GALNT1: variants seen among roughly 807,000 people sequenced by gnomAD.
GALNT1 encodes GalNAc transferase 1.
In GALNT1, 17 loss-of-function variants were observed where a neutral mutation model predicts 65.7. The observed-to-expected ratio is 0.26, with a 90% CI of 0.18 to 0.39. The LOEUF is 0.39. Among genes scored for constraint, GALNT1 ranks in the 10% least tolerant of loss-of-function variants. GALNT1 has a pLI of 1.00. For missense variants in GALNT1, 460 were observed against 672.8 expected (o/e 0.68, Z 3.50); for synonymous variants, 210 against 219.7 (o/e 0.96, Z 0.39).
Position 35,585,050 on chromosome 18 carries a change from A to G in GALNT1, c.-104+3188A>G, listed in dbSNP as rs2046364385. 3.3e-5 allele frequency among the ~76,000 whole-genome samples: 5 copies of G among 152,206 alleles called. No homozygotes were observed. The South Asian group carries it at 1.0e-3, about 32-fold the overall frequency. On this transcript the variant is annotated intron_variant, in intron 1 of 11. Coordinates refer to ENST00000269195, the MANE Select transcript of GALNT1 (RefSeq NM_020474.4). Reference sequence around the variant, plus strand: ...AAATACAATTTGTGATTATTGCTACACATTAGCAGTAAAGGATGCTGGAGA... The same window carrying G: ...AAATACAATTTGTGATTATTGCTACGCATTAGCAGTAAAGGATGCTGGAGA...
chr18:35,588,325 A>C (rs1039833413), intron 1 of GALNT1, among the ~76,000 whole-genome samples: 1 of 152,194 alleles, frequency 6.6e-6, no homozygotes, highest in African/African-American at 2.4e-5. Flanking sequence ...TTTCCTCTGT[A>C]GAAAGGAATC....
intron 9 of GALNT1, among the ~76,000 whole-genome samples, chr18:35,696,955 CTAA>C (rs1237984266): frequency 6.6e-6 from 1 of 152,194 alleles, no homozygotes; most frequent in Non-Finnish European, 1.5e-5. Flanking sequence ...CTGGAGGAGA[CTAA>C]TAGTAGAAAC....
intron 2 of GALNT1, among the ~76,000 whole-genome samples, chr18:35,656,263 T>C (rs2047383980): frequency 6.7e-6 from 1 of 150,310 alleles, no homozygotes; most frequent in Admixed American, 6.6e-5. Context: ...ATGTGTAGAT[T>C]CACTTGAATT....
At chr18:35,606,268 GACTA>G (rs538354960) in intron 1 of GALNT1, among the ~76,000 whole-genome samples, 143 of 152,272 alleles carry the variant, frequency 9.4e-4, no homozygotes, top group Admixed American at 1.6e-3. Context: ...CAAGTCACGT[GACTA>G]ACCTATATTT....
At chr18:35,679,982 G>A (rs2047764175) in intron 4 of GALNT1, among the ~76,000 whole-genome samples, 1 of 152,034 alleles carries the variant, frequency 6.6e-6, no homozygotes, top group Non-Finnish European at 1.5e-5. Context: ...TCACCATGGT[G>A]CCTCCAGAGT....
At chr18:35,688,361 G>C (rs1030058677) in intron 6 of GALNT1, among the ~76,000 whole-genome samples, 1 of 151,956 alleles carries the variant, frequency 6.6e-6, no homozygotes, top group South Asian at 2.1e-4. Flanking sequence ...TATAATCTTC[G>C]TGGTATCTTT....
chr18:35,594,660 A>G (rs2046484156), intron 1 of GALNT1, among the ~76,000 whole-genome samples: 1 of 152,204 alleles, frequency 6.6e-6, no homozygotes, highest in South Asian at 2.1e-4. Context: ...GTACCTTATT[A>G]CAAAGGTAAT....
chr18:35,620,781 C>CTTTT (rs75570628), intron 1 of GALNT1, among the ~76,000 whole-genome samples: 2 of 142,154 alleles, frequency 1.4e-5, no homozygotes, highest in East Asian at 2.0e-4. Flanking sequence ...TAGGTTGTTA[C>CTTTT]TTTTTTTTTT....
chr18:35,582,902 TATTAAA>T (rs765972741), intron 1 of GALNT1, among the ~76,000 whole-genome samples: 2 of 152,222 alleles, frequency 1.3e-5, no homozygotes, highest in East Asian at 1.9e-4. Context: ...CACATGTGAC[TATTAAA>T]ATTAAATTTT....
intron 1 of GALNT1, among the ~76,000 whole-genome samples, chr18:35,590,518 C>T (rs2046430654): frequency 6.6e-6 from 1 of 152,102 alleles, no homozygotes; most frequent in Admixed American, 6.5e-5. Flanking sequence ...GTTATGACTT[C>T]TCATTGAAAA....
At chr18:35,703,022 G>A (rs765013652) in intron 10 of GALNT1, 27 bp downstream of exon 10, 137 of 1,334,754 alleles carry the variant, frequency 1.0e-4, no homozygotes, top group Non-Finnish European at 1.4e-4. Context: ...ACTCTTAAAA[G>A]GGATAATTTT....
intron 11 of GALNT1, 66 bp downstream of exon 11, chr18:35,703,709 T>G: frequency 1.3e-6 from 2 of 1,490,504 alleles, no homozygotes; most frequent in Non-Finnish European, 1.8e-6. Context: ...ATATACTTTA[T>G]ATCTAAAGGA....
At chr18:35,691,633 G>A (rs1028199547) in intron 8 of GALNT1, among the ~76,000 whole-genome samples, 3 of 152,190 alleles carry the variant, frequency 2.0e-5, no homozygotes, top group African/African-American at 7.2e-5. Context: ...TGCTGTCATA[G>A]GAGGCTTTCG....
At chr18:35,625,705 G>C (rs556948891) in intron 1 of GALNT1, among the ~76,000 whole-genome samples, 1 of 152,276 alleles carries the variant, frequency 6.6e-6, no homozygotes, top group Admixed American at 6.5e-5. Flanking sequence ...CCCTGGCCTG[G>C]AGGAAGTTCC....
Position 35,704,509 on chromosome 18 carries a change from T to C in GALNT1, c.1533+866T>C, listed in dbSNP as rs1291711844. 2.6e-5 allele frequency among the ~76,000 whole-genome samples: 4 copies of C among 152,102 alleles called. No individual in the cohort carries two copies. In the East Asian group the frequency reaches 5.8e-4, roughly 22 times the overall value. On this transcript the variant is annotated intron_variant, in intron 11 of 11. Coordinates refer to ENST00000269195, the MANE Select transcript of GALNT1 (RefSeq NM_020474.4). ...ATTTTGTGGAGACAGAGTTTCACCA[T>C]GTTGTCCAGGCTGGTCTTGAGCACT...
intron 11 of GALNT1, among the ~76,000 whole-genome samples, chr18:35,705,761 G>A (rs1468916480): frequency 6.6e-6 from 1 of 152,132 alleles, no homozygotes; most frequent in African/African-American, 2.4e-5. Flanking sequence ...AAACAAATAG[G>A]GATTTATTTT....
rs774444764 is a variant in GALNT1, at chr18:35,709,617, A to G, written c.1534-7A>G. 7.4e-6 allele frequency: 12 copies of G among 1,612,164 alleles called. No individual in the cohort carries two copies. Among genetic ancestry groups the G allele is most frequent in the Middle Eastern group, 1.6e-4 (1 of 6,066 alleles). On this transcript the variant is annotated splice_polypyrimidine_tract_variant and splice_region_variant and intron_variant, in intron 11 of 11. Coordinates refer to ENST00000269195, the MANE Select transcript of GALNT1 (RefSeq NM_020474.4). ...CCACTCTCATGTTAAGATTTTTTCT[A>G]TTTCAGAAATTAACCCTGCAGCATG...
chr18:35,682,258 A>G (rs749595974), intron 4 of GALNT1, among the ~76,000 whole-genome samples: 25 of 152,104 alleles, frequency 1.6e-4, no homozygotes, highest in Non-Finnish European at 3.5e-4. Context: ...ACAGCTTTTT[A>G]TATCCCTGAT....
At chr18:35,656,885 A>C (rs1057255754) in intron 2 of GALNT1, among the ~76,000 whole-genome samples, 1 of 152,178 alleles carries the variant, frequency 6.6e-6, no homozygotes, top group Non-Finnish European at 1.5e-5. Flanking sequence ...GGAGATGGAG[A>C]GGAAATAAAT....
Sources: allele counts gnomAD v4.1 joint callset (sites outside exome capture counted in the v4.1 genomes callset), GRCh38; gene constraint gnomAD v4.1.1; transcripts MANE v1.5; gene names NCBI Gene and HGNC (gene_info 2026-07-23, HGNC 2026-07-21).